Variants in TAFA2 observed in about 807,000 individuals in gnomAD.
TAFA2 encodes the protein TAFA chemokine like family member 2.
In TAFA2, 7 loss-of-function variants were observed where a neutral mutation model predicts 18.8. That is an observed-to-expected ratio of 0.37 (90% CI 0.21 to 0.70). The LOEUF is 0.70. Ranked by LOEUF, TAFA2 falls within the 30% of genes least tolerant of loss-of-function variation. The pLI is 0.53. For missense variants in TAFA2, 122 were observed against 158.1 expected (o/e 0.77, Z 1.23); for synonymous variants, 60 against 54.2 (o/e 1.11, Z -0.47).
At chr12:61,966,755 A>T (rs1003201963) in intron 1 of TAFA2, among the ~76,000 whole-genome samples, 1 of 151,936 alleles carries the variant, frequency 6.6e-6, no homozygotes, top group Non-Finnish European at 1.5e-5. Context: ...ATTCCATCTC[A>T]AGGAGATTGA....
intron 1 of TAFA2, among the ~76,000 whole-genome samples, chr12:62,257,529 G>T (rs2062946720): frequency 6.6e-6 from 1 of 152,154 alleles, no homozygotes; most frequent in South Asian, 2.1e-4. Flanking sequence ...ATTACTAGAG[G>T]GTAAAGGAAT....
At chr12:61,927,848 A>G (rs1027874319) in intron 1 of TAFA2, among the ~76,000 whole-genome samples, 1 of 152,214 alleles carries the variant, frequency 6.6e-6, no homozygotes, top group African/African-American at 2.4e-5. Context: ...GGCCTCAGAA[A>G]TAACACCACA....
chr12:61,733,324 G>C (rs1212417343), intron 4 of TAFA2, among the ~76,000 whole-genome samples: 2 of 152,002 alleles, frequency 1.3e-5, no homozygotes, highest in African/African-American at 4.8e-5. Flanking sequence ...TGCTTTTGGT[G>C]TTTTAGACAT....
chr12:61,859,363 A>G (rs12811994), intron 2 of TAFA2, among the ~76,000 whole-genome samples: 43,731 of 152,034 alleles, frequency 0.29, 6,867 homozygotes, highest in South Asian at 0.4. Context: ...CGTGGGGATT[A>G]TCCCCACCCA....
At chr12:61,730,025 C>T (rs138058722) in intron 4 of TAFA2, among the ~76,000 whole-genome samples, 26 of 152,182 alleles carry the variant, frequency 1.7e-4, no homozygotes, top group South Asian at 4.2e-4. Flanking sequence ...AGAGCTACTG[C>T]GCTCTGGACC....
intron 1 of TAFA2, among the ~76,000 whole-genome samples, chr12:62,222,749 C>T (rs1024487820): frequency 4.0e-5 from 6 of 151,250 alleles, no homozygotes; most frequent in Non-Finnish European, 7.4e-5. Flanking sequence ...CTCCTGATCT[C>T]GTGATCCGCC....
At chr12:61,720,034 T>C (rs1869828905) in intron 4 of TAFA2, among the ~76,000 whole-genome samples, 1 of 152,098 alleles carries the variant, frequency 6.6e-6, no homozygotes, top group Middle Eastern at 3.2e-3. Flanking sequence ...TGGGTGCTTT[T>C]GCTTTTTTTT....
intron 1 of TAFA2, chr12:61,878,054 C>T (rs1240604999): frequency 4.4e-6 from 2 of 453,916 alleles, no homozygotes; most frequent in Non-Finnish European, 8.8e-6. Context: ...CACAAAAGTA[C>T]AAATACTGTG....
At chr12:61,939,217 T>C (rs1316648282) in intron 1 of TAFA2, among the ~76,000 whole-genome samples, 1 of 152,210 alleles carries the variant, frequency 6.6e-6, no homozygotes, top group African/African-American at 2.4e-5. Context: ...CATAAATTAA[T>C]TTAAAAAGAC....
intron 4 of TAFA2, among the ~76,000 whole-genome samples, chr12:61,719,093 G>T (rs527641534): frequency 3.4e-4 from 52 of 152,166 alleles, no homozygotes; most frequent in Non-Finnish European, 4.9e-4. Context: ...CAGTTGGGGG[G>T]GATCTAATCT....
chr12:62,106,301 T>A lies in TAFA2; in HGVS notation c.-2+84958A>T, dbSNP rs1010914252. 5.9e-5 allele frequency among the ~76,000 whole-genome samples: 9 copies of A among 151,656 alleles called. 1 individual carries two copies. Among genetic ancestry groups the A allele is most frequent in the Admixed American group, 5.9e-4 (9 of 15,230 alleles). The stretch of plus-strand genomic sequence containing the variant: ...GTGAGCCGAGATCATGCCACTGCAC[T>A]CCAGCCTAAGCAACAGAGTGAGACT... On this transcript the variant is annotated intron_variant, in intron 1 of 4. Transcript: ENST00000416284.
At position 62,144,097 on chromosome 12, in the gene TAFA2, A is replaced by G. The variant is rs567435387; in HGVS notation, c.-2+47162T>C. Among the ~76,000 whole-genome samples the G allele has an allele frequency of 7.3e-5, 11 of 150,906 alleles. 1 individual carries two copies. In the South Asian group the frequency reaches 2.3e-3, roughly 32 times the overall value. ...GTCCTAAAACTCTCATACGATGACCATAGAGTTGATAGTTTTCCTTCTCTG... is the reference window on the plus strand; with the variant it reads ...GTCCTAAAACTCTCATACGATGACCGTAGAGTTGATAGTTTTCCTTCTCTG... On this transcript the variant is annotated intron_variant, in intron 1 of 4. Coordinates refer to ENST00000416284, the MANE Select transcript of TAFA2 (RefSeq NM_178539.5).
chr12:62,035,872 G>C (rs1191311250), intron 1 of TAFA2, among the ~76,000 whole-genome samples: 2 of 150,302 alleles, frequency 1.3e-5, no homozygotes, highest in African/African-American at 4.9e-5. Context: ...CTCCGGTGTA[G>C]CTGGGACTAC....
At chr12:61,805,582 G>A (rs1871577014) in intron 2 of TAFA2, among the ~76,000 whole-genome samples, 2 of 152,102 alleles carry the variant, frequency 1.3e-5, no homozygotes, top group South Asian at 2.1e-4. Flanking sequence ...TATGATCATA[G>A]TAACACCATG....
chr12:62,142,020 G>T (rs1178494526), intron 1 of TAFA2, among the ~76,000 whole-genome samples: 11 of 152,170 alleles, frequency 7.2e-5, no homozygotes. Context: ...GCATCACACG[G>T]TCTCCTCACC....
intron 2 of TAFA2, among the ~76,000 whole-genome samples, chr12:61,765,117 A>G (rs1006954031): frequency 6.6e-6 from 1 of 152,070 alleles, no homozygotes; most frequent in Non-Finnish European, 1.5e-5. Flanking sequence ...GCAGTTAGAT[A>G]TAGGCAGTGA....
chr12:62,224,736 C>A (rs2062778850), intron 1 of TAFA2, among the ~76,000 whole-genome samples: 1 of 152,004 alleles, frequency 6.6e-6, no homozygotes, highest in Admixed American at 6.6e-5. Flanking sequence ...TGGGTTCAGA[C>A]TTTCAGTTTG....
intron 1 of TAFA2, among the ~76,000 whole-genome samples, chr12:61,890,807 ATTTTCAGTGT>A (rs945530148): frequency 1.3e-5 from 2 of 151,926 alleles, no homozygotes; most frequent in African/African-American, 4.8e-5. Flanking sequence ...AGATGAAACC[ATTTTCAGTGT>A]TTTCCTTGGT....
chr12:61,938,515 CTAAAAG>C (rs1877868300), intron 1 of TAFA2, among the ~76,000 whole-genome samples: 1 of 152,174 alleles, frequency 6.6e-6, no homozygotes, highest in Non-Finnish European at 1.5e-5. Flanking sequence ...TTCTAAAGAA[CTAAAAG>C]TAAATCTACT....
Sources: allele counts gnomAD v4.1 joint callset (sites outside exome capture counted in the v4.1 genomes callset), GRCh38; gene constraint gnomAD v4.1.1; transcripts MANE v1.5; gene names NCBI Gene and HGNC (gene_info 2026-07-23, HGNC 2026-07-21).